Variants in SOX5 observed in about 807,000 individuals in gnomAD.
The protein encoded by SOX5 is transcription factor SOX-5.
SOX5 carries 9 observed loss-of-function variants against 92.0 expected under a neutral mutation model. The observed-to-expected ratio is 0.10, with a 90% confidence interval of 0.06 to 0.17. The LOEUF (loss-of-function observed/expected upper bound fraction) is 0.17. Among genes scored for constraint, SOX5 ranks in the 10% least tolerant of loss-of-function variants. SOX5 has a pLI of 1.00. For missense variants in SOX5, 642 were observed against 944.5 expected (o/e 0.68, Z 4.20); for synonymous variants, 344 against 336.3 (o/e 1.02, Z -0.25).
At chr12:24,049,665 T>TTTTTTTTG (rs1957377126) in intron 4 of SOX5, among the ~76,000 whole-genome samples, 1 of 55,406 alleles carries the variant, frequency 1.8e-5, no homozygotes. Flanking sequence ...TTTTTTTTTT[T>TTTTTTTTG]TTTTTTTGGA....
chr12:24,444,057 T>C (rs1941079739), intron 1 of SOX5, among the ~76,000 whole-genome samples: 1 of 152,072 alleles, frequency 6.6e-6, no homozygotes, highest in South Asian at 2.1e-4. Context: ...AGTTCTGGAT[T>C]GGGGGTTGCT....
intron 2 of SOX5, chr12:24,368,134 T>C (rs1272430237): frequency 1.3e-5 from 2 of 152,180 alleles, no homozygotes; most frequent in Non-Finnish European, 2.9e-5. Context: ...TAGGAGAAGA[T>C]GAAAGATAGC....
At chr12:24,057,351 C>T (rs1011756319) in intron 4 of SOX5, among the ~76,000 whole-genome samples, 1 of 152,158 alleles carries the variant, frequency 6.6e-6, no homozygotes, top group African/African-American at 2.4e-5. Context: ...AACTGAAGCA[C>T]AGCAAACATT....
At chr12:24,301,103 C>T (rs1043619931) in intron 2 of SOX5, among the ~76,000 whole-genome samples, 3 of 152,192 alleles carry the variant, frequency 2.0e-5, no homozygotes, top group Admixed American at 6.5e-5. Flanking sequence ...TTCTGCCACG[C>T]GGAAGACCCA....
chr12:24,231,971 A>T (rs1046463885), intron 3 of SOX5, among the ~76,000 whole-genome samples: 5 of 152,240 alleles, frequency 3.3e-5, no homozygotes, highest in Non-Finnish European at 7.3e-5. Flanking sequence ...AATCTACTTT[A>T]GGGTTACCAA....
intron 1 of SOX5, among the ~76,000 whole-genome samples, chr12:24,474,527 A>T (rs1053757633): frequency 1.3e-5 from 2 of 152,080 alleles, no homozygotes; most frequent in African/African-American, 4.8e-5. Context: ...CGTAATTATG[A>T]CTTTTTTTGT....
intron 3 of SOX5, among the ~76,000 whole-genome samples, chr12:23,814,093 CA>C (rs1302125373): frequency 1.3e-5 from 2 of 151,938 alleles, no homozygotes; most frequent in Non-Finnish European, 2.9e-5. Flanking sequence ...TTTTGGCATT[CA>C]AAATTCCAAA....
At chr12:23,821,147 G>T (rs571199839) in intron 3 of SOX5, among the ~76,000 whole-genome samples, 7 of 152,292 alleles carry the variant, frequency 4.6e-5, no homozygotes, top group South Asian at 4.1e-4. Context: ...CACATCCCTT[G>T]TAAGTTGTAT....
At chr12:24,371,580 T>C (rs1201877958) in intron 1 of SOX5, among the ~76,000 whole-genome samples, 1 of 152,244 alleles carries the variant, frequency 6.6e-6, no homozygotes, top group Non-Finnish European at 1.5e-5. Context: ...CAGGAGTCAG[T>C]TATGGGCTAC....
At chr12:23,970,842 T>TATATATATATATATATATATAATTTTTAA (rs1234524602) in intron 4 of SOX5, among the ~76,000 whole-genome samples, 2 of 5,964 alleles carry the variant, frequency 3.4e-4, no homozygotes, top group Admixed American at 7.0e-3. Context: ...ATATATATAA[T>TATATATATATATATATATATAATTTTTAA]TTTTTTTTTT....
intron 3 of SOX5, among the ~76,000 whole-genome samples, chr12:23,773,873 A>G (rs1475410076): frequency 1.3e-5 from 2 of 152,168 alleles, no homozygotes; most frequent in Non-Finnish European, 2.9e-5. Flanking sequence ...GTTGCTAAAT[A>G]AATCAGTTTC....
intron 4 of SOX5, among the ~76,000 whole-genome samples, chr12:24,005,377 A>G (rs752577062): frequency 1.3e-5 from 2 of 152,154 alleles, no homozygotes; most frequent in Non-Finnish European, 1.5e-5. Flanking sequence ...TTTTCTCGTT[A>G]CTAAATATCA....
intron 1 of SOX5, among the ~76,000 whole-genome samples, chr12:24,375,493 GGGA>G (rs957617404): frequency 6.6e-6 from 1 of 151,822 alleles, no homozygotes; most frequent in African/African-American, 2.4e-5. Flanking sequence ...TTAGCACTTT[GGGA>G]GACCGAGGCA....
At chr12:24,184,032 T>A (rs1359034232) in intron 4 of SOX5, among the ~76,000 whole-genome samples, 1 of 152,180 alleles carries the variant, frequency 6.6e-6, no homozygotes, top group Non-Finnish European at 1.5e-5. Context: ...TGTATTTCTT[T>A]TGTTCAAAAG....
intron 3 of SOX5, among the ~76,000 whole-genome samples, chr12:24,265,791 T>C (rs1174131698): frequency 1.3e-5 from 2 of 152,180 alleles, no homozygotes; most frequent in African/African-American, 4.8e-5. Flanking sequence ...ATTCAACCAA[T>C]ATTTCTTGAA....
At position 23,923,059 on chromosome 12, in the gene SOX5, C is replaced by A. The variant is rs1416658362; in HGVS notation, c.38+26505G>T. Among the ~76,000 whole-genome samples, 6 of 152,078 alleles carry A rather than the reference C, an allele frequency of 3.9e-5. No homozygotes were observed. In the East Asian group the frequency reaches 1.2e-3, roughly 30 times the overall value. On this transcript the variant is annotated intron_variant, in intron 1 of 14. Coordinates refer to ENST00000451604, the MANE Select transcript of SOX5 (RefSeq NM_006940.6). ...CTCCTGGGTTCCCGCCATTCTCCTG[C>A]CTCAGCCTCCCGAGTAGCTGGGACT...
At chr12:23,672,056 C>A (rs1174256661) in intron 6 of SOX5, among the ~76,000 whole-genome samples, 13 of 151,346 alleles carry the variant, frequency 8.6e-5, no homozygotes, top group Middle Eastern at 3.4e-3. Flanking sequence ...AGCTTGGCTG[C>A]CAAAGTGGAA....
intron 12 of SOX5, among the ~76,000 whole-genome samples, chr12:23,545,087 A>G (rs1942847073): frequency 6.6e-6 from 1 of 152,248 alleles, no homozygotes. Flanking sequence ...CAGTTTTGAT[A>G]GAATTACGTG....
At chr12:23,756,574 T>C (rs2094388504) in intron 3 of SOX5, among the ~76,000 whole-genome samples, 2 of 151,968 alleles carry the variant, frequency 1.3e-5, no homozygotes. Context: ...AGCACTTAGA[T>C]GGATACACAA....
Sources: gnomAD v4.1 joint callset for allele counts (sites outside exome capture counted in the v4.1 genomes callset) on GRCh38, gnomAD v4.1.1 for gene constraint, MANE v1.5 for transcripts, NCBI Gene and HGNC (gene_info 2026-07-23, HGNC 2026-07-21) for gene names.